The following TRHDE variants were observed in gnomAD, a reference collection of about 807,000 sequenced individuals.
The protein encoded by TRHDE is thyrotropin-releasing hormone-degrading ectoenzyme.
In TRHDE, 72 loss-of-function variants were observed where a neutral mutation model predicts 125.7. The ratio of observed to expected loss-of-function variants is 0.57; its 90% CI spans 0.47 to 0.70. The LOEUF is 0.70. Among genes scored for constraint, TRHDE ranks in the 30% least tolerant of loss-of-function variants. The pLI is 0.00. For synonymous variants in TRHDE, 509 were observed against 509.1 expected (o/e 1.00, Z 0.00); for missense variants, 1,110 against 1,327.1 (o/e 0.84, Z 2.54).
chr12:72,656,918 T>G lies in TRHDE; in HGVS notation c.2985-9T>G. The G allele has an allele frequency of 1.3e-6, 2 of 1,584,924 alleles. No individual in the cohort carries two copies. Among genetic ancestry groups the G allele is most frequent in the Non-Finnish European group, 1.7e-6 (2 of 1,159,940 alleles). Reference sequence around the variant, plus strand: ...TGCATTGACATTAAGACTCTTTTTTTCTTTTGAGGTATGGAGAAGCATTGT... The same window carrying G: ...TGCATTGACATTAAGACTCTTTTTTGCTTTTGAGGTATGGAGAAGCATTGT... On this transcript the variant is annotated splice_polypyrimidine_tract_variant and intron_variant, in intron 17 of 18. Coordinates refer to ENST00000261180, the MANE Select transcript of TRHDE (RefSeq NM_013381.3).
intron 1 of TRHDE, among the ~76,000 whole-genome samples, chr12:72,280,094 T>C (rs1353401111): frequency 6.6e-6 from 1 of 152,186 alleles, no homozygotes; most frequent in Non-Finnish European, 1.5e-5. Flanking sequence ...GTGTGTTCAT[T>C]CTCTTCCTCC....
At chr12:72,541,376 T>A (rs1016747843) in intron 6 of TRHDE, among the ~76,000 whole-genome samples, 1 of 151,558 alleles carries the variant, frequency 6.6e-6, no homozygotes. Context: ...ATGTTTCATA[T>A]TGATTACGTA....
intron 2 of TRHDE, among the ~76,000 whole-genome samples, chr12:72,143,975 T>G (rs1876172137): frequency 6.6e-6 from 1 of 152,206 alleles, no homozygotes; most frequent in South Asian, 2.1e-4. Context: ...AAACTTAAGT[T>G]TATCACCCAC....
At chr12:72,500,163 A>G (rs1474309556) in intron 6 of TRHDE, among the ~76,000 whole-genome samples, 1 of 152,208 alleles carries the variant, frequency 6.6e-6, no homozygotes, top group Admixed American at 6.5e-5. Context: ...GGCAACAAAT[A>G]ATTTTGAGCC....
At position 72,652,562 on chromosome 12, in the gene TRHDE, TTTTA is replaced by T. The variant is rs1450341445; in HGVS notation, c.2843+78_2843+81del. The T allele has an allele frequency of 3.4e-6, 4 of 1,185,894 alleles. No individual in the cohort carries two copies. The African/African-American group carries it at 6.3e-5, about 19-fold the overall frequency. 73.5% of individuals were successfully genotyped at this position (1,185,894 alleles called of 1,614,324 possible). On this transcript the variant is annotated intron_variant, in intron 16 of 18. Coordinates refer to ENST00000261180, the MANE Select transcript of TRHDE (RefSeq NM_013381.3). ...GTTAATCAAATTGCTCTGAAGTTGC[TTTTA>T]TTTACTTGAATATATGCTAGTTATT...
At chr12:72,378,155 C>G (rs764113718) in intron 3 of TRHDE, 34 bp downstream of exon 3, 3 of 1,534,850 alleles carry the variant, frequency 2.0e-6, no homozygotes, top group Non-Finnish European at 2.6e-6. Flanking sequence ...ATTGGAAGGG[C>G]TCCTTGAAAG....
intron 2 of TRHDE, among the ~76,000 whole-genome samples, chr12:72,161,101 C>G (rs189161955): frequency 6.6e-6 from 1 of 152,126 alleles, no homozygotes; most frequent in Non-Finnish European, 1.5e-5. Context: ...TGCTGATAGA[C>G]TTTGCCACTA....
chr12:72,640,084 T>C (rs61933816), intron 15 of TRHDE, among the ~76,000 whole-genome samples: 16 of 152,290 alleles, frequency 1.1e-4, no homozygotes, highest in South Asian at 8.3e-4. Context: ...TGGGCAATGG[T>C]GGACGCCCCT....
intron 2 of TRHDE, among the ~76,000 whole-genome samples, chr12:72,329,440 G>A (rs182766495): frequency 2.2e-3 from 342 of 152,288 alleles, no homozygotes; most frequent in African/African-American, 8.0e-3. Context: ...TCTGATGATA[G>A]TAAATGCATT....
At chr12:72,147,397 T>C (rs1195442018) in intron 2 of TRHDE, among the ~76,000 whole-genome samples, 2 of 152,192 alleles carry the variant, frequency 1.3e-5, no homozygotes, top group East Asian at 3.9e-4. Context: ...CTTGTCACCC[T>C]GGGGAGGCCG....
chr12:72,132,964 A>G (rs1875897039), intron 2 of TRHDE, among the ~76,000 whole-genome samples: 1 of 152,154 alleles, frequency 6.6e-6, no homozygotes, highest in Admixed American at 6.5e-5. Flanking sequence ...ATGGAAAGAG[A>G]AGGGACGATA....
chr12:72,190,348 T>C (rs1158635794), intron 2 of TRHDE, among the ~76,000 whole-genome samples: 1 of 152,216 alleles, frequency 6.6e-6, no homozygotes, highest in Non-Finnish European at 1.5e-5. Context: ...AATTGGGCAG[T>C]GCACAGATGC....
At chr12:72,641,782 T>C (rs200366553) in intron 15 of TRHDE, among the ~76,000 whole-genome samples, 1 of 152,226 alleles carries the variant, frequency 6.6e-6, no homozygotes, top group Admixed American at 6.5e-5. Context: ...ATAACTAAAA[T>C]ACCAATTCAC....
chr12:72,499,690 C>T, intron 6 of TRHDE, 55 bp downstream of exon 6: 2 of 1,587,716 alleles, frequency 1.3e-6, no homozygotes, highest in Non-Finnish European at 1.7e-6. Context: ...GATAGCTAAA[C>T]TAATTCATGT....
Position 72,670,460 on chromosome 12 carries a change from G to T in TRHDE, c.*7265G>T, listed in dbSNP as rs1239884219. 2 of 151,738 alleles carry T rather than the reference G, an allele frequency of 1.3e-5. No homozygotes were observed. Among genetic ancestry groups the T allele is most frequent in the Admixed American group, 6.6e-5 (1 of 15,200 alleles). The allele number at this position is 151,738 out of a possible 1,614,324, so 9.4% of individuals were successfully genotyped here. On this transcript the variant is annotated 3_prime_UTR_variant, in exon 19 of 19. Coordinates refer to ENST00000261180, the MANE Select transcript of TRHDE (RefSeq NM_013381.3). ...GCCTCTGATAATCAAATTTTGTACA[G>T]CAATGTGTAATGTGTCACAATTTAA... is the stretch of plus-strand genomic sequence containing the variant.
chr12:72,583,380 A>G (rs1412659598), intron 12 of TRHDE, among the ~76,000 whole-genome samples: 1 of 152,142 alleles, frequency 6.6e-6, no homozygotes, highest in African/African-American at 2.4e-5. Context: ...CTTCATGGCC[A>G]TTCCCAAAAG....
chr12:72,509,899 C>T (rs1286663035), intron 6 of TRHDE, among the ~76,000 whole-genome samples: 17 of 152,158 alleles, frequency 1.1e-4, no homozygotes, highest in Admixed American at 1.1e-3. Flanking sequence ...GGAAAGATCC[C>T]ATCTGTTTAT....
At chr12:72,286,306 T>C (rs1879884098) in intron 1 of TRHDE, among the ~76,000 whole-genome samples, 1 of 152,216 alleles carries the variant, frequency 6.6e-6, no homozygotes, top group South Asian at 2.1e-4. Context: ...GGTTTCGTTG[T>C]CTTTACATGT....
At chr12:72,652,557 G>GT in intron 16 of TRHDE, 68 bp downstream of exon 16, 1 of 1,317,802 alleles carries the variant, frequency 7.6e-7, no homozygotes, top group Non-Finnish European at 1.0e-6. Flanking sequence ...TTGCTCTGAA[G>GT]TTGCTTTTAT....
Sources: allele counts gnomAD v4.1 joint callset (sites outside exome capture counted in the v4.1 genomes callset), GRCh38; gene constraint gnomAD v4.1.1; transcripts MANE v1.5; gene names NCBI Gene and HGNC (gene_info 2026-07-23, HGNC 2026-07-21).